The following ZFPM2 variants were observed in gnomAD, a reference collection of about 807,000 sequenced individuals.
ZFPM2 encodes the protein zinc finger protein, FOG family member 2, also known as zinc finger protein ZFPM2.
ZFPM2 carries 20 observed loss-of-function variants against 98.6 expected under a neutral mutation model. That is an observed-to-expected ratio of 0.20 (90% CI 0.14 to 0.29). ZFPM2 has a LOEUF of 0.29. Ranked by LOEUF, ZFPM2 falls within the 10% of genes least tolerant of loss-of-function variation. ZFPM2 has a pLI of 1.00. For synonymous variants in ZFPM2, 518 were observed against 502.7 expected, an observed-to-expected ratio of 1.03 and a Z score of -0.41; for missense variants, 1,310 against 1,388.6, an observed-to-expected ratio of 0.94 and a Z score of 0.90.
chr8:105,450,092 T>C (rs1377911230), intron 3 of ZFPM2, among the ~76,000 whole-genome samples: 1 of 152,142 alleles, frequency 6.6e-6, no homozygotes, highest in East Asian at 1.9e-4. Context: ...TGTCTACTTG[T>C]TGCATCTTGA....
At chr8:105,480,516 C>G (rs761495942) in intron 3 of ZFPM2, among the ~76,000 whole-genome samples, 6 of 152,150 alleles carry the variant, frequency 3.9e-5, no homozygotes, top group African/African-American at 9.7e-5. Context: ...CTACTCTTTC[C>G]TTTTAGCAAA....
intron 4 of ZFPM2, among the ~76,000 whole-genome samples, chr8:105,584,832 C>T (rs964504950): frequency 6.6e-6 from 1 of 152,064 alleles, no homozygotes; most frequent in Non-Finnish European, 1.5e-5. Flanking sequence ...AATGCAAACA[C>T]CACTTTAGAT....
rs117504330 is a variant in ZFPM2, at chr8:105,702,398, C to A, written c.532+68041C>A. ...TAGGTGAAAAGTACTTTGAAAATCA[C>A]AAATTGCTGTGTTGCATCAAGAAAT... On this transcript the variant is annotated intron_variant, in intron 5 of 7. Transcript: ENST00000407775. 6.5e-4 allele frequency among the ~76,000 whole-genome samples: 99 copies of A among 152,274 alleles called. 1 individual carries two copies. The East Asian group carries it at 0.018, about 28-fold the overall frequency.
chr8:105,380,815 TATATA>T (rs1164183317), intron 1 of ZFPM2, among the ~76,000 whole-genome samples: 1 of 82,066 alleles, frequency 1.2e-5, no homozygotes. Context: ...ATATATAATA[TATATA>T]ATATATAATA....
intron 1 of ZFPM2, among the ~76,000 whole-genome samples, chr8:105,393,243 A>T (rs1811142592): frequency 1.3e-5 from 2 of 152,182 alleles, no homozygotes; most frequent in South Asian, 4.1e-4. Context: ...AGACAGCCTA[A>T]TAAAAATAGC....
At chr8:105,485,970 C>T (rs946548309) in intron 3 of ZFPM2, among the ~76,000 whole-genome samples, 6 of 151,992 alleles carry the variant, frequency 3.9e-5, no homozygotes, top group African/African-American at 9.7e-5. Context: ...GATTTAGATA[C>T]TAGAGCAGGT....
chr8:105,348,899 T>G (rs1188144894), intron 1 of ZFPM2, among the ~76,000 whole-genome samples: 3 of 152,182 alleles, frequency 2.0e-5, no homozygotes, highest in Non-Finnish European at 4.4e-5. Flanking sequence ...TACTCGACTC[T>G]CTGTTGTGAA....
At chr8:105,606,237 C>G (rs1438479426) in intron 4 of ZFPM2, among the ~76,000 whole-genome samples, 1 of 152,054 alleles carries the variant, frequency 6.6e-6, no homozygotes, top group African/African-American at 2.4e-5. Context: ...TAAATATTAT[C>G]TCTCCTCACC....
At chr8:105,479,258 T>C (rs1315664999) in intron 3 of ZFPM2, among the ~76,000 whole-genome samples, 1 of 152,158 alleles carries the variant, frequency 6.6e-6, no homozygotes, top group Non-Finnish European at 1.5e-5. Flanking sequence ...GACATGAAGG[T>C]GTTTCATTTT....
intron 6 of ZFPM2, chr8:105,796,875 TC>T (rs1813835910): frequency 1.3e-5 from 2 of 152,230 alleles, no homozygotes; most frequent in Admixed American, 1.3e-4. Context: ...ACTCCTTTCC[TC>T]TACGAAAGTC....
In ZFPM2 at chr8:105,552,165, T is replaced by C. The variant is rs1814869421; in HGVS notation, c.302-9198T>C. 2.0e-5 allele frequency among the ~76,000 whole-genome samples: 3 copies of C among 152,182 alleles called. No individual in the cohort carries two copies. In the South Asian group the frequency reaches 6.2e-4, roughly 32 times the overall value. On this transcript the variant is annotated intron_variant, in intron 3 of 7. Transcript: ENST00000407775. The stretch of plus-strand genomic sequence containing the variant: ...GGATCAATAGTTGATTTTTATCTTG[T>C]TTCTTCTTTGGAGTTTTTCCTCCTG...
At chr8:105,319,363 G>C (rs1441999481) in intron 1 of ZFPM2, among the ~76,000 whole-genome samples, 1 of 152,154 alleles carries the variant, frequency 6.6e-6, no homozygotes, top group East Asian at 1.9e-4. Context: ...GATTGACGTG[G>C]GACTACTCTT....
intron 3 of ZFPM2, among the ~76,000 whole-genome samples, chr8:105,555,844 ATG>A (rs1814976076): frequency 6.6e-6 from 1 of 152,142 alleles, no homozygotes; most frequent in Admixed American, 6.6e-5. Flanking sequence ...CAGAAATAGG[ATG>A]TGTCTGCCAG....
chr8:105,433,152 A>G (rs1481023), intron 2 of ZFPM2, among the ~76,000 whole-genome samples: 52,238 of 152,012 alleles, frequency 0.34, 11,281 homozygotes, highest in African/African-American at 0.62. Flanking sequence ...TATGTATCTC[A>G]CCCTTTCATG....
At chr8:105,734,808 T>C (rs1812030463) in intron 5 of ZFPM2, among the ~76,000 whole-genome samples, 1 of 151,786 alleles carries the variant, frequency 6.6e-6, no homozygotes, top group Non-Finnish European at 1.5e-5. Flanking sequence ...TAGTCCTTTT[T>C]TTGTGTTCCT....
chr8:105,371,556 A>C (rs1455266218), intron 1 of ZFPM2, among the ~76,000 whole-genome samples: 1 of 152,222 alleles, frequency 6.6e-6, no homozygotes, highest in East Asian at 1.9e-4. Context: ...TAGAGCAATC[A>C]GAAGGTCATG....
At chr8:105,782,577 G>A (rs2131116155) in intron 5 of ZFPM2, 1 of 152,302 alleles carries the variant, frequency 6.6e-6, no homozygotes, top group Non-Finnish European at 1.5e-5. Context: ...AGTATCCATT[G>A]TGGATTGGTT....
intron 1 of ZFPM2, among the ~76,000 whole-genome samples, chr8:105,325,204 T>C (rs1812093144): frequency 6.6e-6 from 1 of 151,904 alleles, no homozygotes; most frequent in African/African-American, 2.4e-5. Flanking sequence ...GAGAATGTGT[T>C]TTCACCATAG....
chr8:105,421,301 T>A (rs1200870654), intron 2 of ZFPM2, among the ~76,000 whole-genome samples: 1 of 152,066 alleles, frequency 6.6e-6, no homozygotes, highest in Non-Finnish European at 1.5e-5. Flanking sequence ...AAATAATATT[T>A]AGTATATGAT....
Sources: gnomAD v4.1 joint callset for allele counts (sites outside exome capture counted in the v4.1 genomes callset) on GRCh38, gnomAD v4.1.1 for gene constraint, MANE v1.5 for transcripts, NCBI Gene and HGNC (gene_info 2026-07-23, HGNC 2026-07-21) for gene names.